The following VASH1 variants were observed in gnomAD, a reference collection of about 807,000 sequenced individuals.
The protein encoded by VASH1 is tubulinyl-Tyr carboxypeptidase 1.
A neutral mutation model predicts 35.0 loss-of-function variants in VASH1; 16 were observed. The observed-to-expected ratio is 0.46, with a 90% CI of 0.31 to 0.70. The LOEUF is 0.70. Ranked by LOEUF, VASH1 falls within the 30% of genes least tolerant of loss-of-function variation. The pLI is 0.05. For missense variants in VASH1, 505 were observed against 510.7 expected (o/e 0.99, Z 0.11); for synonymous variants, 214 against 200.9 (o/e 1.07, Z -0.55).
At chr14:76,771,321 A>G in intron 3 of VASH1, 75 bp downstream of exon 3, 1 of 1,385,756 alleles carries the variant, frequency 7.2e-7, no homozygotes, top group Non-Finnish European at 9.5e-7. Context: ...TGCACCTTGG[A>G]GAGGAAGTTT....
rs147024880 is a variant in VASH1, at chr14:76,762,924, G to A, written c.103G>A (p.Glu35Lys). 10 of 1,574,706 alleles carry A rather than the reference G, an allele frequency of 6.4e-6. No homozygotes were observed. The highest frequency in any genetic ancestry group is 5.4e-5 in the African/African-American group (4 of 74,544). ...TGGGGTCAGGCGTTTGGAGACCAGC[G>A]AAGGAACCTCAGCCCAGAGAGATGA... ...PSGVRRLETS[E>K]GTSAQRDEEP... The change falls in exon 1 of 7, where the codon GAA (glutamate) becomes AAA (lysine). Residue 35 changes from glutamate to lysine, a missense_variant. By Grantham distance (56) the Glu-to-Lys change is moderately conservative. Coordinates refer to ENST00000167106, the MANE Select transcript of VASH1 (RefSeq NM_014909.5).
chr14:76,779,584 C>T lies in VASH1; in HGVS notation c.*566C>T. The stretch of plus-strand genomic sequence containing the variant: ...TAGCCCATTAACCAGGAGCTTGGCA[C>T]AGGCCACATCTGCCCCAAGAGCATG... On this transcript the variant is annotated 3_prime_UTR_variant, in exon 7 of 7. Coordinates refer to ENST00000167106, the MANE Select transcript of VASH1 (RefSeq NM_014909.5). 1.6e-6 allele frequency: 1 copy of T among 640,560 alleles called. No individual in the cohort carries two copies. 39.7% of individuals were successfully genotyped at this position (640,560 alleles called of 1,614,324 possible).
At chr14:76,777,836 C>T in intron 5 of VASH1, 123 bp from the exon 6 acceptor site, 1 of 602,202 alleles carries the variant, frequency 1.7e-6, no homozygotes, top group Non-Finnish European at 2.6e-6. Context: ...CAGGGAAGAG[C>T]CATGCTTGAG....
rs754321647 is a variant in VASH1, at chr14:76,762,801, AC to A, written c.-15del. 16 of 1,449,020 alleles carry A rather than the reference AC, an allele frequency of 1.1e-5. No individual in the cohort carries two copies. The East Asian group carries it at 2.4e-4, about 22-fold the overall frequency. The allele number at this position is 1,449,020 out of a possible 1,614,324, so 89.8% of individuals were successfully genotyped here. ...AGCCAGTTGTTTTCCCGCCTCCACC[AC>A]CCCCCTCGAAGATTTAGGGATGCCA... On this transcript the variant is annotated 5_prime_UTR_variant, in exon 1 of 7. Transcript: ENST00000167106.
At chr14:76,770,179 C>G (rs1893753786) in intron 2 of VASH1, 128 bp downstream of exon 2, 13 of 837,944 alleles carry the variant, frequency 1.6e-5, no homozygotes, top group Admixed American at 2.6e-5. Flanking sequence ...ATTCACGTGA[C>G]ATCTCTGTGC....
At chr14:76,765,051 A>G (rs1362943520) in intron 1 of VASH1, among the ~76,000 whole-genome samples, 1 of 152,094 alleles carries the variant, frequency 6.6e-6, no homozygotes, top group East Asian at 1.9e-4. Flanking sequence ...TTTTGCTCAG[A>G]TCATTTGTCC....
chr14:76,778,447 T>TA (rs1894007743), intron 6 of VASH1, among the ~76,000 whole-genome samples: 1 of 152,182 alleles, frequency 6.6e-6, no homozygotes, highest in African/African-American at 2.4e-5. Flanking sequence ...TTTTTGTCTG[T>TA]ATCCAGGTAG....
At chr14:76,775,401 C>T (rs1037654184) in intron 4 of VASH1, among the ~76,000 whole-genome samples, 19 of 152,024 alleles carry the variant, frequency 1.2e-4, no homozygotes, top group African/African-American at 4.4e-4. Flanking sequence ...ACCTCCCAGG[C>T]CTCAGTAGTA....
At chr14:76,766,547 C>G (rs1893647223) in intron 1 of VASH1, among the ~76,000 whole-genome samples, 1 of 152,196 alleles carries the variant, frequency 6.6e-6, no homozygotes, top group African/African-American at 2.4e-5. Flanking sequence ...CTCAAGTGAT[C>G]CTCCCACCTC....
chr14:76,779,506 C>A lies in VASH1; in HGVS notation c.*488C>A. 1.4e-6 allele frequency: 1 copy of A among 701,860 alleles called. No individual in the cohort carries two copies. Among genetic ancestry groups the A allele is most frequent in the Non-Finnish European group, 2.6e-6 (1 of 384,536 alleles). 43.5% of individuals were successfully genotyped at this position (701,860 alleles called of 1,614,324 possible). On this transcript the variant is annotated 3_prime_UTR_variant, in exon 7 of 7. Coordinates refer to ENST00000167106, the MANE Select transcript of VASH1 (RefSeq NM_014909.5). ...CCAGTTCTGCCTGCCCTGGCAGAAT[C>A]TTGACCCAGGGAAAGGGAAGCAGGG...
rs978432735 is a variant in VASH1, at chr14:76,761,668, G to A, written c.-1154G>A. Reference sequence around the variant, plus strand: ...GCGCAGCGCGCGCTCGCCCGGCTTCGTCACTCGCCTCCAGCTACATCCGCC... The same window carrying A: ...GCGCAGCGCGCGCTCGCCCGGCTTCATCACTCGCCTCCAGCTACATCCGCC... On this transcript the variant is annotated 5_prime_UTR_variant, in exon 1 of 7. Coordinates refer to ENST00000167106, the MANE Select transcript of VASH1 (RefSeq NM_014909.5). Among the ~76,000 whole-genome samples the A allele has an allele frequency of 6.6e-6, 1 of 151,870 alleles. No homozygotes were observed. The highest frequency in any genetic ancestry group is 2.4e-5 in the African/African-American group (1 of 41,418).
intron 1 of VASH1, among the ~76,000 whole-genome samples, chr14:76,768,355 G>A (rs549167285): frequency 6.6e-6 from 1 of 152,318 alleles, no homozygotes; most frequent in Admixed American, 6.5e-5. Flanking sequence ...AAGGGAAATG[G>A]CTCCCTCCAG....
rs949945886 is a variant in VASH1 at position 76,779,119 on chromosome 14, A to C, written c.*101A>C. ...GGGAAGGCGGGGCTGGTGACAAGGC[A>C]GGGCAAGAGGCTGCAGGAAGAGTGT... On this transcript the variant is annotated 3_prime_UTR_variant, in exon 7 of 7. Transcript: ENST00000167106. The C allele has an allele frequency of 2.3e-6, 3 of 1,291,696 alleles. No individual in the cohort carries two copies. The highest frequency in any genetic ancestry group is 1.8e-4 in the Middle Eastern group (1 of 5,434). The allele number at this position is 1,291,696 out of a possible 1,614,324, so 80.0% of individuals were successfully genotyped here.
intron 2 of VASH1, among the ~76,000 whole-genome samples, chr14:76,770,912 G>A (rs1167857408): frequency 1.3e-5 from 2 of 152,232 alleles, no homozygotes; most frequent in African/African-American, 2.4e-5. Flanking sequence ...AGTGCTGTAG[G>A]GCGCTGTTCC....
At chr14:76,772,100 C>T (rs1394818082) in intron 3 of VASH1, among the ~76,000 whole-genome samples, 7 of 152,010 alleles carry the variant, frequency 4.6e-5, no homozygotes, top group Admixed American at 2.0e-4. Context: ...ATTAGCTGGG[C>T]GTGGTGGTGG....
chr14:76,771,306 T>G (rs1893789501), intron 3 of VASH1, 60 bp downstream of exon 3: 8 of 1,476,004 alleles, frequency 5.4e-6, no homozygotes, highest in Non-Finnish European at 6.3e-6. Flanking sequence ...TTGAAAGCCC[T>G]ATAGTGCACC....
chr14:76,773,125 C>G lies in VASH1; in HGVS notation c.456-12C>G, dbSNP rs748685837. The stretch of plus-strand genomic sequence containing the variant: ...GGCGCTGTCCTTACTGACCTGCCTC[C>G]CTTTCCCACAGGCTGATGGACCTGG... On this transcript the variant is annotated splice_polypyrimidine_tract_variant and intron_variant, in intron 3 of 6. Coordinates refer to ENST00000167106, the MANE Select transcript of VASH1 (RefSeq NM_014909.5). 1.2e-6 allele frequency: 2 copies of G among 1,613,686 alleles called. No individual in the cohort carries two copies. Among genetic ancestry groups the G allele is most frequent in the East Asian group, 2.2e-5 (1 of 44,870 alleles).
chr14:76,763,132 T>C lies in VASH1; in HGVS notation c.309+2T>C. 6.8e-7 allele frequency: 1 copy of C among 1,465,896 alleles called. No homozygotes were observed. Among genetic ancestry groups the C allele is most frequent in the South Asian group, 1.5e-5 (1 of 68,136 alleles). 90.8% of individuals were successfully genotyped at this position (1,465,896 alleles called of 1,614,324 possible). A position where few individuals can be genotyped will look rare whatever the true frequency, so the allele number is the denominator to read the frequency against. On this transcript the variant is annotated splice_donor_variant, in intron 1 of 6. Transcript: ENST00000167106. LOFTEE classifies it high-confidence loss of function. ...CGTGGGGCCACAGACCTGCCCAAGGTGAGACACACGGGTCAGGGGGGTGAT... is the reference window on the plus strand; with the variant it reads ...CGTGGGGCCACAGACCTGCCCAAGGCGAGACACACGGGTCAGGGGGGTGAT...
Position 76,776,176 on chromosome 14 carries a change from A to G in VASH1, c.815A>G (p.Gln272Arg). ...TCACACGACCCGCACAGCGTGGAGCAGATCGAGTGGAAGCACTCGGTGCTG... is the reference window on the plus strand; with the variant it reads ...TCACACGACCCGCACAGCGTGGAGCGGATCGAGTGGAAGCACTCGGTGCTG... The part of the protein sequence containing the change: ...SVSHDPHSVE[Q>R]IEWKHSVLDV... Residue 272 changes from glutamine (Q) to arginine (R), a missense_variant, in exon 5 of 7, where the codon CAG becomes CGG. By Grantham distance (43) the Gln-to-Arg change is conservative (BLOSUM62 1). Coordinates refer to ENST00000167106, the MANE Select transcript of VASH1 (RefSeq NM_014909.5). The G allele has an allele frequency of 6.2e-7, 1 of 1,610,970 alleles. No individual in the cohort carries two copies. The highest frequency in any genetic ancestry group is 8.5e-7 in the Non-Finnish European group (1 of 1,179,788).
Sources: gnomAD v4.1 joint callset for allele counts (sites outside exome capture counted in the v4.1 genomes callset) on GRCh38, gnomAD v4.1.1 for gene constraint, MANE v1.5 for transcripts, NCBI Gene and HGNC (gene_info 2026-07-23, HGNC 2026-07-21) for gene names.